KCNMA1: variants seen among roughly 807,000 people sequenced by gnomAD.
KCNMA1 encodes the protein potassium calcium-activated channel subfamily M alpha 1, also known as Calcium-activated potassium channel subunit alpha-1.
A neutral mutation model predicts 140.0 loss-of-function variants in KCNMA1; 29 were observed. The ratio of observed to expected loss-of-function variants is 0.21; its 90% CI spans 0.15 to 0.28. KCNMA1 has a LOEUF of 0.28. Ranked by LOEUF, KCNMA1 falls within the 10% of genes least tolerant of loss-of-function variation. KCNMA1 has a pLI of 1.00. For missense variants in KCNMA1, 880 were observed against 1,602.2 expected, an observed-to-expected ratio of 0.55 and a Z score of 7.70; for synonymous variants, 612 against 611.9, an observed-to-expected ratio of 1.00 and a Z score of 0.00.
At chr10:77,057,315 T>C (rs976293076) in intron 14 of KCNMA1, among the ~76,000 whole-genome samples, 8 of 152,122 alleles carry the variant, frequency 5.3e-5, no homozygotes, top group African/African-American at 1.7e-4. Context: ...TCCACCAAAA[T>C]GTCCCTAAGT....
At chr10:77,446,912 G>A (rs1246933315) in intron 1 of KCNMA1, among the ~76,000 whole-genome samples, 1 of 152,198 alleles carries the variant, frequency 6.6e-6, no homozygotes, top group Non-Finnish European at 1.5e-5. Context: ...TAGCTGGCAA[G>A]TTCTTCCTGC....
chr10:77,110,097 A>C, intron 8 of KCNMA1, 76 bp downstream of exon 8: 1 of 1,308,240 alleles, frequency 7.6e-7, no homozygotes, highest in South Asian at 1.2e-5. Flanking sequence ...TCTAAAATAC[A>C]AAGCTTTAAG....
At chr10:77,166,059 C>T (rs932175320) in intron 5 of KCNMA1, among the ~76,000 whole-genome samples, 3 of 152,266 alleles carry the variant, frequency 2.0e-5, no homozygotes, top group East Asian at 3.9e-4. Context: ...GAAAAGCTGG[C>T]GACACTTGTG....
intron 3 of KCNMA1, among the ~76,000 whole-genome samples, chr10:77,215,841 T>A (rs780520777): frequency 1.3e-4 from 19 of 151,806 alleles, no homozygotes; most frequent in Non-Finnish European, 1.9e-4. Context: ...TAAGAACAGA[T>A]ACCAGTGAGC....
intron 12 of KCNMA1, among the ~76,000 whole-genome samples, chr10:77,080,362 C>T (rs1040929233): frequency 2.6e-5 from 4 of 152,198 alleles, no homozygotes; most frequent in African/African-American, 4.8e-5. Flanking sequence ...TTCAATAAAG[C>T]TGTTTCCTTC....
chr10:77,116,267 AC>A (rs757762569), intron 6 of KCNMA1, among the ~76,000 whole-genome samples: 4 of 152,200 alleles, frequency 2.6e-5, no homozygotes, highest in Non-Finnish European at 5.9e-5. Flanking sequence ...ATCGATGGAC[AC>A]AGTGAATCAT....
In KCNMA1 at chr10:77,001,571, G is replaced by T; in HGVS notation, c.2102C>A (p.Ser701Tyr). Residue 701 changes from serine to tyrosine, a missense_variant, in exon 19 of 28, where the codon TCC becomes TAC. Coordinates refer to ENST00000286628, the MANE Select transcript of KCNMA1 (RefSeq NM_001161352.2). ...TGCCCGTCTCATTCTCTTGTAGATGGACATCTTGGCTATAACCGTGTGGTT... is the reference window on the plus strand; with the variant it reads ...TGCCCGTCTCATTCTCTTGTAGATGTACATCTTGGCTATAACCGTGTGGTT... ...KKCGCKRPKM[S>Y]IYKRMRRACC... 1.3e-6 allele frequency: 2 copies of T among 1,551,604 alleles called. No individual in the cohort carries two copies. Among genetic ancestry groups the T allele is most frequent in the Non-Finnish European group, 1.7e-6 (2 of 1,146,568 alleles).
chr10:77,230,883 G>A (rs999754565), intron 3 of KCNMA1, among the ~76,000 whole-genome samples: 2 of 152,068 alleles, frequency 1.3e-5, no homozygotes, highest in African/African-American at 4.8e-5. Flanking sequence ...AGAAATTTCT[G>A]TCTTCAAGGG....
rs201919794 is a variant in KCNMA1, at chr10:77,019,039, G to C, written c.1989C>G (p.Ile663Met). Residue 663 changes from isoleucine (I) to methionine (M), a missense_variant, in exon 17 of 28, where the codon ATC (isoleucine) becomes ATG (methionine). Transcript: ENST00000286628. ...TTTTAACTTCTTTGGCATCACTTGCGATGAAAAATCCTAAAGTACCTTCTT... is the reference window on the plus strand; with the variant it reads ...TTTTAACTTCTTTGGCATCACTTGCCATGAAAAATCCTAAAGTACCTTCTT... ...KIQEGTLGFF[I>M]ASDAKEVKRA... The C allele has an allele frequency of 1.9e-6, 3 of 1,594,680 alleles. No individual in the cohort carries two copies. Among genetic ancestry groups the C allele is most frequent in the African/African-American group, 2.7e-5 (2 of 74,480 alleles).
At chr10:77,004,399 C>T (rs576217019) in intron 18 of KCNMA1, among the ~76,000 whole-genome samples, 2 of 152,130 alleles carry the variant, frequency 1.3e-5, no homozygotes, top group African/African-American at 4.8e-5. Flanking sequence ...TTTTTCGCTA[C>T]TGCTGGCATA....
At chr10:77,532,989 AT>A (rs2058047723) in intron 1 of KCNMA1, among the ~76,000 whole-genome samples, 1 of 152,212 alleles carries the variant, frequency 6.6e-6, no homozygotes. Context: ...ACCATCTGTA[AT>A]TAATTATTCT....
At chr10:77,598,502 G>A (rs1335200393) in intron 1 of KCNMA1, among the ~76,000 whole-genome samples, 1 of 152,216 alleles carries the variant, frequency 6.6e-6, no homozygotes, top group East Asian at 1.9e-4. Context: ...GGAGAGGAGT[G>A]CATGGCATCC....
chr10:77,552,575 C>G (rs2063122754), intron 1 of KCNMA1, among the ~76,000 whole-genome samples: 1 of 152,176 alleles, frequency 6.6e-6, no homozygotes, highest in Admixed American at 6.5e-5. Flanking sequence ...GTGTGCTGCT[C>G]TCTGCTCCCC....
intron 2 of KCNMA1, among the ~76,000 whole-genome samples, chr10:77,349,046 C>T (rs113360444): frequency 0.023 from 3,467 of 152,262 alleles, 121 homozygotes; most frequent in African/African-American, 0.079. Flanking sequence ...CAGCAACTTA[C>T]TTTCTTAATG....
chr10:77,012,319 T>TG, intron 17 of KCNMA1: 2 of 1,465,392 alleles, frequency 1.4e-6, no homozygotes, highest in Non-Finnish European at 1.8e-6. Flanking sequence ...ACACTGTGTC[T>TG]GCTCATTCGT....
At chr10:76,947,938 G>A (rs909579089) in intron 22 of KCNMA1, among the ~76,000 whole-genome samples, 1 of 152,156 alleles carries the variant, frequency 6.6e-6, no homozygotes, top group African/African-American at 2.4e-5. Context: ...TTTTAGCTTT[G>A]TAAGTGGGGG....
intron 6 of KCNMA1, among the ~76,000 whole-genome samples, chr10:77,116,437 C>G (rs1390958155): frequency 6.6e-6 from 1 of 152,042 alleles, no homozygotes; most frequent in Non-Finnish European, 1.5e-5. Context: ...TTTCAGTTAA[C>G]ACAGAAAATG....
chr10:76,877,329 G>T (rs531470195), downstream of KCNMA1: 1 of 154,646 alleles, frequency 6.5e-6, no homozygotes, highest in African/African-American at 2.4e-5. Flanking sequence ...ATTAATTGTG[G>T]TGGTGACCAT....
chr10:77,211,447 A>G (rs2046054275), intron 3 of KCNMA1, among the ~76,000 whole-genome samples: 1 of 152,200 alleles, frequency 6.6e-6, no homozygotes, highest in South Asian at 2.1e-4. Flanking sequence ...CATGTACAAA[A>G]ATTAACTCAA....
Sources: allele counts gnomAD v4.1 joint callset (sites outside exome capture counted in the v4.1 genomes callset), GRCh38; gene constraint gnomAD v4.1.1; transcripts MANE v1.5; gene names NCBI Gene and HGNC (gene_info 2026-07-23, HGNC 2026-07-21).